Variants in ITGA9 observed in about 807,000 individuals in gnomAD.
The protein encoded by ITGA9 is integrin alpha-9.
In ITGA9, 56 loss-of-function variants were observed where a neutral mutation model predicts 127.8. That is an observed-to-expected ratio of 0.44 (90% CI 0.35 to 0.55). ITGA9 has a LOEUF of 0.55. ITGA9 is among the 20% of genes least tolerant of loss of function. ITGA9 has a pLI of 0.00. For missense variants in ITGA9, 1,196 were observed against 1,347.1 expected (o/e 0.89, Z 1.76); for synonymous variants, 508 against 514.5 (o/e 0.99, Z 0.17).
chr3:37,740,463 C>G (rs550497982), intron 20 of ITGA9, among the ~76,000 whole-genome samples: 1 of 152,310 alleles, frequency 6.6e-6, no homozygotes, highest in South Asian at 2.1e-4. Context: ...TCTCTTCCTC[C>G]TGTTCCTTCT....
intron 15 of ITGA9, among the ~76,000 whole-genome samples, chr3:37,614,737 G>A (rs1296103233): frequency 2.0e-5 from 3 of 151,756 alleles, no homozygotes; most frequent in African/African-American, 7.3e-5. Flanking sequence ...ATTGTGAATG[G>A]GAGTTCACTC....
intron 3 of ITGA9, among the ~76,000 whole-genome samples, chr3:37,479,856 G>GA (rs1346526247): frequency 6.6e-6 from 1 of 152,154 alleles, no homozygotes; most frequent in African/African-American, 2.4e-5. Context: ...CTCTTGTACA[G>GA]AAAATGGGAA....
chr3:37,812,484 A>G (rs1359341469), intron 27 of ITGA9, among the ~76,000 whole-genome samples: 2 of 152,250 alleles, frequency 1.3e-5, no homozygotes, highest in Admixed American at 1.3e-4. Flanking sequence ...TGGATACCCC[A>G]GAACTCAGTC....
At chr3:37,790,114 T>G (rs1479781239) in intron 26 of ITGA9, 2 of 556,730 alleles carry the variant, frequency 3.6e-6, no homozygotes, top group Non-Finnish European at 7.0e-6. Flanking sequence ...AATTTTGCCT[T>G]TGGGAATGCT....
At chr3:37,707,739 C>T (rs7615080) in intron 18 of ITGA9, among the ~76,000 whole-genome samples, 68,534 of 152,040 alleles carry the variant, frequency 0.45, 15,675 homozygotes, top group South Asian at 0.57. Context: ...TTCTTTTATT[C>T]TTTCTCTCTA....
At chr3:37,596,912 A>G (rs1353616876) in intron 15 of ITGA9, among the ~76,000 whole-genome samples, 1 of 152,232 alleles carries the variant, frequency 6.6e-6, no homozygotes, top group Non-Finnish European at 1.5e-5. Context: ...AACAGCTGCC[A>G]TGGCCAGAGA....
At chr3:37,670,979 C>T (rs1306943038) in intron 17 of ITGA9, among the ~76,000 whole-genome samples, 1 of 152,254 alleles carries the variant, frequency 6.6e-6, no homozygotes, top group Non-Finnish European at 1.5e-5. Context: ...AATGCACATA[C>T]ACTGCTTGCA....
intron 15 of ITGA9, among the ~76,000 whole-genome samples, chr3:37,552,858 TA>T (rs1699392044): frequency 6.6e-6 from 1 of 152,100 alleles, no homozygotes; most frequent in South Asian, 2.1e-4. Context: ...CTACTAAAAT[TA>T]CAAAAATTAG....
At position 37,517,694 on chromosome 3, in the gene ITGA9, C is replaced by A; in HGVS notation, c.1141+85C>A. On this transcript the variant is annotated intron_variant, in intron 10 of 27. Coordinates refer to ENST00000264741, the MANE Select transcript of ITGA9 (RefSeq NM_002207.3). ...GAGGGGCAGCCTGCTCGCTGACTGTCCATCTCTAGTGGCATGCTCCTGGGT... is the reference window on the plus strand; with the variant it reads ...GAGGGGCAGCCTGCTCGCTGACTGTACATCTCTAGTGGCATGCTCCTGGGT... The A allele has an allele frequency of 5.1e-6, 5 of 973,788 alleles. No homozygotes were observed. The South Asian group carries it at 6.9e-5, about 13-fold the overall frequency. The allele number at this position is 973,788 out of a possible 1,614,324, so 60.3% of individuals were successfully genotyped here.
chr3:37,504,701 A>G (rs1027082222), intron 6 of ITGA9, among the ~76,000 whole-genome samples: 2 of 152,192 alleles, frequency 1.3e-5, no homozygotes, highest in African/African-American at 4.8e-5. Flanking sequence ...TATACACATT[A>G]GAGGCTCTTA....
intron 18 of ITGA9, among the ~76,000 whole-genome samples, chr3:37,694,149 G>C (rs1443580819): frequency 1.3e-5 from 2 of 152,132 alleles, no homozygotes; most frequent in Non-Finnish European, 2.9e-5. Flanking sequence ...AAGCCCACTC[G>C]AGGCTCTAAC....
intron 18 of ITGA9, among the ~76,000 whole-genome samples, chr3:37,712,103 A>G (rs1701085761): frequency 6.6e-6 from 1 of 152,052 alleles, no homozygotes; most frequent in South Asian, 2.1e-4. Flanking sequence ...TGTGCCAGGG[A>G]GGGGAGGAAC....
At chr3:37,718,161 G>GAGCATGA (rs1467819549) in intron 18 of ITGA9, among the ~76,000 whole-genome samples, 4 of 152,228 alleles carry the variant, frequency 2.6e-5, no homozygotes, top group Non-Finnish European at 5.9e-5. Context: ...TATTAAATGA[G>GAGCATGA]AGCATGAACA....
At chr3:37,514,040 A>G in intron 9 of ITGA9, 140 bp downstream of exon 9, 1 of 986,374 alleles carries the variant, frequency 1.0e-6, no homozygotes, top group Admixed American at 1.9e-5. Context: ...ATCTGTCTTG[A>G]ATAAGCTCAA....
chr3:37,681,727 T>C (rs1700736674), intron 17 of ITGA9, among the ~76,000 whole-genome samples: 1 of 152,174 alleles, frequency 6.6e-6, no homozygotes, highest in Admixed American at 6.5e-5. Context: ...ATCATCAGTC[T>C]CTCATGCATC....
chr3:37,482,152 G>T (rs745549594), intron 4 of ITGA9, among the ~76,000 whole-genome samples: 16 of 152,324 alleles, frequency 1.1e-4, no homozygotes, highest in Non-Finnish European at 2.1e-4. Flanking sequence ...GCAACAGCTG[G>T]ACAGAAACCT....
intron 18 of ITGA9, among the ~76,000 whole-genome samples, chr3:37,688,295 C>G (rs1046111782): frequency 1.3e-5 from 2 of 152,144 alleles, no homozygotes; most frequent in Non-Finnish European, 1.5e-5. Flanking sequence ...TAGTTATTTA[C>G]TGATAAACTA....
chr3:37,628,117 G>A (rs1226908873), intron 15 of ITGA9, among the ~76,000 whole-genome samples: 6 of 152,146 alleles, frequency 3.9e-5, no homozygotes, highest in African/African-American at 9.7e-5. Flanking sequence ...CCCTGAGGTT[G>A]GCCTCAGCCT....
At chr3:37,744,756 A>G (rs1275107913) in intron 22 of ITGA9, among the ~76,000 whole-genome samples, 2 of 152,258 alleles carry the variant, frequency 1.3e-5, no homozygotes, top group Non-Finnish European at 2.9e-5. Context: ...CTGTAGTTCA[A>G]AGGCAGCCAT....
Sources: gnomAD v4.1 joint callset for allele counts (sites outside exome capture counted in the v4.1 genomes callset) on GRCh38, gnomAD v4.1.1 for gene constraint, MANE v1.5 for transcripts, NCBI Gene and HGNC (gene_info 2026-07-23, HGNC 2026-07-21) for gene names.